HACD4: variants seen among roughly 807,000 people sequenced by gnomAD.
HACD4 encodes the protein very-long-chain (3R)-3-hydroxyacyl-CoA dehydratase 4.
Under a neutral mutation model 33.3 loss-of-function variants are expected in HACD4, and 35 were observed. That is an observed-to-expected ratio of 1.05 (90% CI 0.80 to 1.39). The LOEUF (loss-of-function observed/expected upper bound fraction) is 1.39, where lower values mean the gene tolerates loss of function less well. HACD4 is among the 40% of genes most tolerant of loss of function. The pLI, the probability that HACD4 is intolerant of heterozygous loss-of-function variation, is 0.00. For synonymous variants in HACD4, 118 were observed against 98.0 expected (o/e 1.20, Z -1.21); for missense variants, 323 against 276.5 (o/e 1.17, Z -1.19).
rs144044768 is a variant in HACD4, at chr9:21,007,623, T to C, written c.616+398A>G. ...GTAACACCGACTCCCATTTGCCTGA[T>C]AGGAAGTGCCAGCTTGAAAAGCCAA... On this transcript the variant is annotated intron_variant, in intron 6 of 6. Coordinates refer to ENST00000495827, the MANE Select transcript of HACD4 (RefSeq NM_001010915.5). Among the ~76,000 whole-genome samples, 37 of 152,290 alleles carry C rather than the reference T, an allele frequency of 2.4e-4. 1 individual carries two copies. In the East Asian group the frequency reaches 6.7e-3, roughly 28 times the overall value.
chr9:21,012,829 G>A lies in HACD4; in HGVS notation c.384-1134C>T, dbSNP rs149718259. ...CTCCTGTAATCCCAGCACTTTGGGAGGCCAAGCTGGGCAGATGACCTGAGG... is the reference window on the plus strand; with the variant it reads ...CTCCTGTAATCCCAGCACTTTGGGAAGCCAAGCTGGGCAGATGACCTGAGG... On this transcript the variant is annotated intron_variant, in intron 4 of 6. Coordinates refer to ENST00000495827, the MANE Select transcript of HACD4 (RefSeq NM_001010915.5). Among the ~76,000 whole-genome samples, 1,142 of 152,226 alleles carry A rather than the reference G, an allele frequency of 7.5e-3. 24 individuals are homozygous for A. The highest frequency in any genetic ancestry group is 0.026 in the African/African-American group (1,090 of 41,540).
Position 21,015,763 on chromosome 9 carries a change from A to G in HACD4, c.383+135T>C, listed in dbSNP as rs986013633. 1.8e-5 allele frequency: 10 copies of G among 547,844 alleles called. No homozygotes were observed. In the African/African-American group the frequency reaches 1.9e-4, roughly 11 times the overall value. The allele number at this position is 547,844 out of a possible 1,614,324, so 33.9% of individuals were successfully genotyped here. ...TGGAGAACACTAAAAATACATTTCC[A>G]TATCAAGATAAAATAATTTGAAAAG... On this transcript the variant is annotated intron_variant, in intron 4 of 6. Transcript: ENST00000495827.
chr9:21,017,249 C>T (rs573583525), intron 3 of HACD4, among the ~76,000 whole-genome samples: 1 of 152,156 alleles, frequency 6.6e-6, no homozygotes, highest in South Asian at 2.1e-4. Context: ...CAACAGTGGG[C>T]CACATGATCA....
chr9:21,002,497 C>G lies in HACD4; in HGVS notation c.*4540G>C, dbSNP rs1383724082. 1.3e-5 allele frequency: 2 copies of G among 151,992 alleles called. No individual in the cohort carries two copies. The highest frequency in any genetic ancestry group is 4.8e-5 in the African/African-American group (2 of 41,386). 9.4% of individuals were successfully genotyped at this position (151,992 alleles called of 1,614,324 possible). Reference sequence around the variant, plus strand: ...TGTATGATTACATTTATATGAGGTACTTAGAGCAATCAAAATCATAGAGAC... The same window carrying G: ...TGTATGATTACATTTATATGAGGTAGTTAGAGCAATCAAAATCATAGAGAC... On this transcript the variant is annotated 3_prime_UTR_variant, in exon 7 of 7. Transcript: ENST00000495827.
intron 4 of HACD4, among the ~76,000 whole-genome samples, chr9:21,013,763 A>G (rs1587829130): frequency 6.6e-6 from 1 of 152,226 alleles, no homozygotes; most frequent in Non-Finnish European, 1.5e-5. Context: ...TACTGTAAAC[A>G]GAATTGTATT....
intron 1 of HACD4, among the ~76,000 whole-genome samples, chr9:21,030,751 T>C (rs1818191599): frequency 1.3e-5 from 2 of 152,210 alleles, no homozygotes; most frequent in Admixed American, 1.3e-4. Flanking sequence ...GAAAGCAGTT[T>C]AGTTGCTCAT....
In HACD4 at chr9:21,022,256, C is replaced by T. The variant is rs59395018; in HGVS notation, c.270+4340G>A. On this transcript the variant is annotated intron_variant, in intron 3 of 6. Transcript: ENST00000495827. Reference sequence around the variant, plus strand: ...TGTATTAAAGACTGAAACGTTTGACCTAAAACCATAAAAACCCTAGAAGAA... The same window carrying T: ...TGTATTAAAGACTGAAACGTTTGACTTAAAACCATAAAAACCCTAGAAGAA... Among the ~76,000 whole-genome samples, 315 of 152,248 alleles carry T rather than the reference C, an allele frequency of 2.1e-3. 3 individuals carry two copies. Among genetic ancestry groups the T allele is most frequent in the African/African-American group, 7.0e-3 (290 of 41,536 alleles).
intron 3 of HACD4, among the ~76,000 whole-genome samples, chr9:21,021,414 A>C (rs936663094): frequency 6.6e-6 from 1 of 152,186 alleles, no homozygotes; most frequent in Non-Finnish European, 1.5e-5. Context: ...AAGGGTATTC[A>C]ATTAGGAAAA....
intron 5 of HACD4, 111 bp from the exon 6 acceptor site, chr9:21,008,257 G>C: frequency 1.0e-6 from 1 of 959,700 alleles, no homozygotes; most frequent in Non-Finnish European, 1.5e-6. Flanking sequence ...TGACAGTTTT[G>C]TAATAGTTGC....
chr9:21,010,456 A>ATGC, intron 5 of HACD4, among the ~76,000 whole-genome samples: 1 of 105,050 alleles, frequency 9.5e-6, no homozygotes, highest in South Asian at 3.3e-4. Context: ...ACATCCTGGT[A>ATGC]CCCCCCCCCC....
intron 3 of HACD4, among the ~76,000 whole-genome samples, chr9:21,021,851 A>C (rs932988374): frequency 2.0e-5 from 3 of 152,192 alleles, no homozygotes; most frequent in Non-Finnish European, 4.4e-5. Context: ...GCTACCAATG[A>C]CTTTCTTCAC....
At chr9:21,009,177 G>T (rs1842348634) in intron 5 of HACD4, among the ~76,000 whole-genome samples, 1 of 152,052 alleles carries the variant, frequency 6.6e-6, no homozygotes, top group South Asian at 2.1e-4. Flanking sequence ...AAGTTTAGTA[G>T]GTTTATTTAA....
intron 3 of HACD4, among the ~76,000 whole-genome samples, chr9:21,025,029 C>A (rs1291163616): frequency 3.9e-5 from 6 of 152,136 alleles, no homozygotes; most frequent in South Asian, 2.1e-4. Flanking sequence ...ATAAATCTTG[C>A]TCCCAGATAC....
Position 21,006,806 on chromosome 9 carries a change from G to T in HACD4, c.*231C>A. ...AGTATAACTTGTATAAAATCCAAAT[G>T]AAGCAGGAATTTTGGTGAAGCAGGG... On this transcript the variant is annotated 3_prime_UTR_variant, in exon 7 of 7. Coordinates refer to ENST00000495827, the MANE Select transcript of HACD4 (RefSeq NM_001010915.5). The surrounding 1 kb of genome is among the most constrained non-coding windows in gnomAD (Gnocchi z 4.6). 2.1e-6 allele frequency: 1 copy of T among 484,980 alleles called. No individual in the cohort carries two copies. Among genetic ancestry groups the T allele is most frequent in the Non-Finnish European group, 3.7e-6 (1 of 270,724 alleles). The allele number at this position is 484,980 out of a possible 1,614,324, so 30.0% of individuals were successfully genotyped here.
chr9:21,016,728 GT>G (rs10717243), intron 3 of HACD4, among the ~76,000 whole-genome samples: 59,834 of 151,576 alleles, frequency 0.39, 11,986 homozygotes, highest in East Asian at 0.45. Context: ...GTTGTGAAGG[GT>G]TTTGAAAGAC....
At chr9:21,013,257 T>C (rs1842480828) in intron 4 of HACD4, among the ~76,000 whole-genome samples, 2 of 152,208 alleles carry the variant, frequency 1.3e-5, no homozygotes, top group Admixed American at 6.5e-5. Context: ...TATATCCAGT[T>C]GTCCCAACAC....
rs1842187103 is a variant in HACD4 at position 21,002,770 on chromosome 9, A to G, written c.*4267T>C. On this transcript the variant is annotated 3_prime_UTR_variant, in exon 7 of 7. Transcript: ENST00000495827. ...AAGTTGTCTTAGATATGTTTTCAAA[A>G]TATCTAATGGTTCCTATTTCATCTA... 6.6e-6 allele frequency: 1 copy of G among 152,180 alleles called. No individual in the cohort carries two copies. Among genetic ancestry groups the G allele is most frequent in the South Asian group, 2.1e-4 (1 of 4,834 alleles). 9.4% of individuals were successfully genotyped at this position (152,180 alleles called of 1,614,324 possible). A position where few individuals can be genotyped will look rare whatever the true frequency, so the allele number is the denominator to read the frequency against.
At chr9:21,027,983 A>G (rs1818106103) in intron 2 of HACD4, among the ~76,000 whole-genome samples, 1 of 151,972 alleles carries the variant, frequency 6.6e-6, no homozygotes, top group African/African-American at 2.4e-5. Flanking sequence ...GAAAATACAA[A>G]AATTAGCCAG....
intron 2 of HACD4, among the ~76,000 whole-genome samples, chr9:21,029,073 T>C (rs1180399693): frequency 6.6e-6 from 1 of 152,214 alleles, no homozygotes; most frequent in Non-Finnish European, 1.5e-5. Flanking sequence ...ATCTCTTTTT[T>C]GAGGCAAACT....
Sources: allele counts gnomAD v4.1 joint callset (sites outside exome capture counted in the v4.1 genomes callset), GRCh38; gene constraint gnomAD v4.1.1; non-coding constraint Gnocchi (gnomAD v3.1); transcripts MANE v1.5; gene names NCBI Gene and HGNC (gene_info 2026-07-23, HGNC 2026-07-21).